The following CMYA5 variants were observed in gnomAD, a reference collection of about 807,000 sequenced individuals.
The protein encoded by CMYA5 is cardiomyopathy associated 5.
A neutral mutation model predicts 318.9 loss-of-function variants in CMYA5; 246 were observed. The observed-to-expected ratio is 0.77, with a 90% CI of 0.70 to 0.86. The LOEUF (loss-of-function observed/expected upper bound fraction) is 0.86, where lower values mean the gene tolerates loss of function less well. Among genes scored for constraint, CMYA5 ranks in the 40% least tolerant of loss-of-function variants. CMYA5 has a pLI of 0.00. For synonymous variants in CMYA5, 1,641 were observed against 1,729.5 expected (o/e 0.95, Z 1.27); for missense variants, 4,589 against 4,678.2 (o/e 0.98, Z 0.56).
chr5:79,736,822 C>G lies in CMYA5; in HGVS notation c.8057C>G (p.Ser2686Ter), dbSNP rs952171301. 6 of 1,611,632 alleles carry G rather than the reference C, an allele frequency of 3.7e-6. No homozygotes were observed. The highest frequency in any genetic ancestry group is 4.2e-6 in the Non-Finnish European group (5 of 1,179,594). ...FRESELSKGG[S>*]VDITKETVKQ... The stretch of plus-strand genomic sequence containing the variant: ...GAGTCAGAGCTATCGAAAGGCGGTT[C>G]AGTAGATATCACAAAAGAAACTGTG... Residue 2686 changes from serine (S) to a stop codon, truncating the protein, a stop_gained, in exon 2 of 13, where the codon TCA (serine) becomes TGA (stop). Transcript: ENST00000446378. LOFTEE classifies it high-confidence loss of function.
chr5:79,745,338 G>A lies in CMYA5; in HGVS notation c.10851G>A (p.Lys3617=), dbSNP rs140350207. The A allele has an allele frequency of 8.3e-3, 13,435 of 1,613,914 alleles. 78 individuals are homozygous for A. The highest frequency in any genetic ancestry group is 9.8e-3 in the Non-Finnish European group (11,615 of 1,179,842). Residue 3617 remains lysine, a synonymous_variant, in exon 4 of 13, where the codon AAG becomes AAA. Transcript: ENST00000446378. ...AQSFEEVKKK[K]MEFLHEQMVH... is the part of the protein sequence containing the mutation. ...GCTTTGAGGAAGTGAAGAAGAAGAAGATGGAGTTCCTGCATGAGCAGATGG... is the reference window on the plus strand; with the variant it reads ...GCTTTGAGGAAGTGAAGAAGAAGAAAATGGAGTTCCTGCATGAGCAGATGG...
At chr5:79,701,431 G>A (rs79248837) in intron 1 of CMYA5, among the ~76,000 whole-genome samples, 7,340 of 152,196 alleles carry the variant, frequency 0.048, 630 homozygotes, top group African/African-American at 0.17. Context: ...TGACTTGATT[G>A]TAAAATGTCT....
intron 1 of CMYA5, among the ~76,000 whole-genome samples, chr5:79,708,802 G>C (rs1003644814): frequency 2.0e-5 from 3 of 151,878 alleles, no homozygotes; most frequent in Non-Finnish European, 4.4e-5. Context: ...AGGCGTGGTG[G>C]CTCACACCTG....
intron 4 of CMYA5, among the ~76,000 whole-genome samples, chr5:79,746,158 C>T (rs1046059459): frequency 6.6e-6 from 1 of 152,222 alleles, no homozygotes; most frequent in East Asian, 1.9e-4. Flanking sequence ...AGATGTTTTC[C>T]CTGAAGGCAG....
chr5:79,763,107 G>T lies in CMYA5; in HGVS notation c.11453G>T (p.Trp3818Leu). Reference protein sequence around the residue: ...VIRAEDCTVCWNTATIRWRPT... With the variant: ...VIRAEDCTVCLNTATIRWRPT... ...CGCGCTGAGGACTGTACTGTGTGTTGGAACACAGCCACTATCCGATGGCGG... is the reference window on the plus strand; with the variant it reads ...CGCGCTGAGGACTGTACTGTGTGTTTGAACACAGCCACTATCCGATGGCGG... Residue 3818 changes from tryptophan to leucine, a missense_variant, in exon 9 of 13, where the codon TGG (tryptophan) becomes TTG (leucine). Physicochemically the swap from Trp to Leu is moderately conservative, Grantham distance 61. Around this residue, in one of 3 missense-constraint regions of CMYA5, gnomAD observed 2,431 missense variants for 2,495.1 expected, o/e 0.97. Coordinates refer to ENST00000446378, the MANE Select transcript of CMYA5 (RefSeq NM_153610.5). 6.2e-7 allele frequency: 1 copy of T among 1,613,656 alleles called. No homozygotes were observed. The highest frequency in any genetic ancestry group is 1.1e-5 in the South Asian group (1 of 91,046).
At chr5:79,727,711 G>A (rs1827776329) in intron 1 of CMYA5, among the ~76,000 whole-genome samples, 1 of 152,214 alleles carries the variant, frequency 6.6e-6, no homozygotes, top group East Asian at 1.9e-4. Flanking sequence ...CAGAAGTGGA[G>A]TATTGTCGGG....
Position 79,735,040 on chromosome 5 carries a change from G to C in CMYA5, c.6275G>C (p.Ser2092Thr). Residue 2092 changes from serine to threonine, a missense_variant, in exon 2 of 13, where the codon AGC becomes ACC. Ser to Thr is a moderately conservative substitution (Grantham distance 58). Transcript: ENST00000446378. ...ALGNEKEAHR[S>T]TPPFPEEKPL... ...GGCAATGAAAAAGAAGCACACAGGA[G>C]CACACCTCCTTTTCCTGAAGAGAAG... 1 of 1,613,816 alleles carries C rather than the reference G, an allele frequency of 6.2e-7. No individual in the cohort carries two copies. The highest frequency in any genetic ancestry group is 8.5e-7 in the Non-Finnish European group (1 of 1,179,806).
chr5:79,702,608 G>C (rs1427130184), intron 1 of CMYA5, among the ~76,000 whole-genome samples: 2 of 152,144 alleles, frequency 1.3e-5, no homozygotes, highest in Non-Finnish European at 2.9e-5. Context: ...GGGAGATGTG[G>C]AAGGGATTAG....
chr5:79,773,316 G>A (rs1003659842), intron 9 of CMYA5, among the ~76,000 whole-genome samples: 3 of 152,146 alleles, frequency 2.0e-5, no homozygotes, highest in Non-Finnish European at 4.4e-5. Flanking sequence ...TATTTAAAAT[G>A]AGGAAAAAAA....
chr5:79,693,354 T>C (rs1253467443), intron 1 of CMYA5, among the ~76,000 whole-genome samples: 2 of 123,552 alleles, frequency 1.6e-5, no homozygotes, highest in South Asian at 2.5e-4. Flanking sequence ...TTTTTTTTTT[T>C]CTTGAGGTAG....
intron 1 of CMYA5, among the ~76,000 whole-genome samples, chr5:79,717,368 T>C (rs188840513): frequency 2.0e-5 from 3 of 152,250 alleles, no homozygotes; most frequent in Non-Finnish European, 4.4e-5. Flanking sequence ...TACAGTCTTA[T>C]AAAGGAGCTA....
Position 79,739,237 on chromosome 5 carries a change from TATC to T in CMYA5, c.10476_10478del (p.Ser3493del). On this transcript the variant is annotated inframe_deletion, in exon 2 of 13. Transcript: ENST00000446378. ...AGCGAGAGGAAAGAAGAAGACCAAT[TATC>T]ATCTGAGGTAGTAACTGAAAAGGCA... is the stretch of plus-strand genomic sequence containing the variant. The T allele has an allele frequency of 6.2e-7, 1 of 1,612,934 alleles. No homozygotes were observed. Among genetic ancestry groups the T allele is most frequent in the Non-Finnish European group, 8.5e-7 (1 of 1,179,496 alleles).
rs147288767 is a variant in CMYA5 at position 79,740,409 on chromosome 5, C to A, written c.10638+1006C>A. ...TAAAAAATTACCTTTGAGCAAAAAA[C>A]TGCAAAAAGCAGTTTCCTTCCTATT... On this transcript the variant is annotated intron_variant, in intron 2 of 12. Transcript: ENST00000446378. Among the ~76,000 whole-genome samples the A allele has an allele frequency of 3.4e-4, 52 of 152,298 alleles. 1 individual carries two copies. Among genetic ancestry groups the A allele is most frequent in the African/African-American group, 1.2e-3 (50 of 41,572 alleles).
At chr5:79,787,759 T>C (rs1186420383) in intron 9 of CMYA5, among the ~76,000 whole-genome samples, 1 of 152,256 alleles carries the variant, frequency 6.6e-6, no homozygotes, top group African/African-American at 2.4e-5. Flanking sequence ...TTTGTCCTTT[T>C]AGACATGGGG....
In CMYA5 at chr5:79,733,274, T is replaced by C. The variant is rs1385478947; in HGVS notation, c.4509T>C (p.Cys1503=). 1.2e-6 allele frequency: 2 copies of C among 1,613,612 alleles called. No individual in the cohort carries two copies. Among genetic ancestry groups the C allele is most frequent in the Admixed American group, 1.7e-5 (1 of 60,008 alleles). The change falls in exon 2 of 13, where the codon TGT becomes TGC. Residue 1503 remains cysteine, a synonymous_variant. Transcript: ENST00000446378. The stretch of plus-strand genomic sequence containing the variant: ...AAGATCTTTTATTTTCTACAGTCTG[T>C]GACTCTGAACGTTTGGTTTCATCAC... ...DKQDLLFSTV[C]DSERLVSSQK...
At position 79,789,058 on chromosome 5, in the gene CMYA5, A is replaced by C. The variant is rs1829131595; in HGVS notation, c.11643A>C (p.Ala3881=). 6.2e-7 allele frequency: 1 copy of C among 1,613,982 alleles called. No homozygotes were observed. Among genetic ancestry groups the C allele is most frequent in the East Asian group, 2.2e-5 (1 of 44,876 alleles). Reference sequence around the variant, plus strand: ...TTTTCTATGTGAGGGCCATCAATGCATTTGGGACAAGTGAACAGAGTGAAG... The same window carrying C: ...TTTTCTATGTGAGGGCCATCAATGCCTTTGGGACAAGTGAACAGAGTGAAG... ...NYFFYVRAIN[A]FGTSEQSEAA... Residue 3881 remains alanine (A), a synonymous_variant, in exon 10 of 13, where the codon GCA becomes GCC. Coordinates refer to ENST00000446378, the MANE Select transcript of CMYA5 (RefSeq NM_153610.5).
At chr5:79,713,298 C>A (rs1177443243) in intron 1 of CMYA5, among the ~76,000 whole-genome samples, 1 of 39,538 alleles carries the variant, frequency 2.5e-5, no homozygotes, top group African/African-American at 1.0e-4. Flanking sequence ...CTGCACCCCG[C>A]CCCCACCCCC....
In CMYA5 at chr5:79,732,379, G is replaced by T; in HGVS notation, c.3614G>T (p.Arg1205Ile). ...GAACAGATGGCTTTGTCAAAAGTCA[G>T]AAAGGAAGAAATTGTGCCTGATTCT... ...ADEQMALSKV[R>I]KEEIVPDSQE... The change falls in exon 2 of 13, where the codon AGA (arginine) becomes ATA (isoleucine). Residue 1205 changes from arginine to isoleucine, a missense_variant. Coordinates refer to ENST00000446378, the MANE Select transcript of CMYA5 (RefSeq NM_153610.5). 1 of 1,613,728 alleles carries T rather than the reference G, an allele frequency of 6.2e-7. No individual in the cohort carries two copies. The highest frequency in any genetic ancestry group is 8.5e-7 in the Non-Finnish European group (1 of 1,179,804).
chr5:79,749,470 A>T (rs111419323), intron 5 of CMYA5, among the ~76,000 whole-genome samples: 1 of 152,180 alleles, frequency 6.6e-6, no homozygotes, highest in Admixed American at 6.5e-5. Context: ...GTCCACTGAT[A>T]TGTGGATCTT....
Sources: allele counts gnomAD v4.1 joint callset (sites outside exome capture counted in the v4.1 genomes callset), GRCh38; gene constraint gnomAD v4.1.1; regional missense constraint gnomAD v4.1.1; transcripts MANE v1.5; gene names NCBI Gene and HGNC (gene_info 2026-07-23, HGNC 2026-07-21).